Variants in CCNY observed in about 807,000 individuals in gnomAD.
CCNY encodes the protein cyclin-Y.
Under a neutral mutation model 42.8 loss-of-function variants are expected in CCNY, and 19 were observed. The observed-to-expected ratio is 0.44, with a 90% confidence interval of 0.31 to 0.65. The LOEUF (loss-of-function observed/expected upper bound fraction) is 0.65, where lower values mean the gene tolerates loss of function less well. Ranked by LOEUF, CCNY falls within the 30% of genes least tolerant of loss-of-function variation. The pLI, the probability that CCNY is intolerant of heterozygous loss-of-function variation, is 0.07. For synonymous variants in CCNY, 165 were observed against 162.7 expected (o/e 1.01, Z -0.11); for missense variants, 370 against 437.3 (o/e 0.85, Z 1.37).
intron 2 of CCNY, among the ~76,000 whole-genome samples, chr10:35,486,756 G>T (rs998967079): frequency 5.9e-5 from 9 of 152,110 alleles, no homozygotes; most frequent in African/African-American, 1.4e-4. Context: ...CTGTGCTTCC[G>T]CCATACATAC....
At chr10:35,288,556 T>A (rs888703749) in intron 3 of CCNY, among the ~76,000 whole-genome samples, 1 of 152,156 alleles carries the variant, frequency 6.6e-6, no homozygotes, top group African/African-American at 2.4e-5. Context: ...AAGAAATGTT[T>A]GCCTATCCCA....
At chr10:35,258,836 C>G (rs1415637528) in intron 3 of CCNY, among the ~76,000 whole-genome samples, 1 of 151,236 alleles carries the variant, frequency 6.6e-6, no homozygotes, top group Non-Finnish European at 1.5e-5. Context: ...CTTGGGGAGG[C>G]TGAGGCAGGA....
At chr10:35,544,394 A>G (rs181745121) in intron 7 of CCNY, among the ~76,000 whole-genome samples, 74 of 152,332 alleles carry the variant, frequency 4.9e-4, no homozygotes, top group African/African-American at 1.7e-3. Flanking sequence ...GTCATGTGCT[A>G]TACAGGTTTG....
At chr10:35,291,739 G>A (rs1835416437) in intron 3 of CCNY, among the ~76,000 whole-genome samples, 1 of 151,990 alleles carries the variant, frequency 6.6e-6, no homozygotes, top group African/African-American at 2.4e-5. Context: ...GTTTCATCAT[G>A]TTGGCCAGGC....
At chr10:35,568,968 A>T (rs975281318) in intron 9 of CCNY, 86 bp from the exon 10 acceptor site, 19 of 853,218 alleles carry the variant, frequency 2.2e-5, no homozygotes, top group East Asian at 7.3e-5. Flanking sequence ...CCTGTCCCTC[A>T]TGCAGCGCCC....
intron 3 of CCNY, among the ~76,000 whole-genome samples, chr10:35,515,401 C>T (rs999582569): frequency 1.3e-5 from 2 of 152,198 alleles, no homozygotes; most frequent in Non-Finnish European, 2.9e-5. Flanking sequence ...ATATATTTCT[C>T]AGACTGCCTC....
chr10:35,462,929 G>T (rs1564420734), intron 1 of CCNY, among the ~76,000 whole-genome samples: 1 of 152,226 alleles, frequency 6.6e-6, no homozygotes, highest in African/African-American at 2.4e-5. Flanking sequence ...TATCAGCTAC[G>T]TTAGGCCTTA....
intron 1 of CCNY, chr10:35,248,036 G>A (rs1030236435): frequency 6.6e-6 from 1 of 152,284 alleles, no homozygotes; most frequent in Non-Finnish European, 1.5e-5. Context: ...CAAACAGCAA[G>A]GCTGTTATTT....
chr10:35,465,938 A>AGAGAGAGAGAGAGAGAGGGTGT, intron 1 of CCNY, among the ~76,000 whole-genome samples: 1 of 80,960 alleles, frequency 1.2e-5, no homozygotes, highest in Admixed American at 1.3e-4. Context: ...AGAGAGAGAG[A>AGAGAGAGAGAGAGAGAGGGTGT]GTGTGTGTGT....
At chr10:35,450,420 G>A (rs921214485) in intron 1 of CCNY, among the ~76,000 whole-genome samples, 4 of 152,198 alleles carry the variant, frequency 2.6e-5, no homozygotes, top group African/African-American at 7.2e-5. Context: ...TGCTCCCTGG[G>A]ATGGTTTTGG....
intron 3 of CCNY, among the ~76,000 whole-genome samples, chr10:35,279,863 C>A (rs924452042): frequency 1.3e-5 from 2 of 152,210 alleles, no homozygotes; most frequent in African/African-American, 4.8e-5. Flanking sequence ...AGGTCTTTAG[C>A]TAAGAGCTGA....
chr10:35,468,617 T>A (rs1424257456), intron 1 of CCNY, among the ~76,000 whole-genome samples: 4 of 152,218 alleles, frequency 2.6e-5, no homozygotes, highest in Non-Finnish European at 5.9e-5. Flanking sequence ...GTTTCTTGAC[T>A]CTTGCTCAAG....
intron 1 of CCNY, among the ~76,000 whole-genome samples, chr10:35,465,963 G>GTGTGTGTC (rs768182302): frequency 4.0e-5 from 6 of 150,644 alleles, no homozygotes; most frequent in African/African-American, 1.5e-4. Flanking sequence ...GTGTGTGTCT[G>GTGTGTGTC]TGTGTGTGTG....
At chr10:35,328,840 C>A (rs1454642261) in intron 3 of CCNY, among the ~76,000 whole-genome samples, 2 of 152,162 alleles carry the variant, frequency 1.3e-5, no homozygotes, top group Non-Finnish European at 2.9e-5. Flanking sequence ...ACTGTTTCTG[C>A]AGATTTACCT....
At chr10:35,473,826 C>T (rs1489255828) in intron 1 of CCNY, among the ~76,000 whole-genome samples, 2 of 152,174 alleles carry the variant, frequency 1.3e-5, no homozygotes, top group African/African-American at 2.4e-5. Flanking sequence ...CTCCTGTCTA[C>T]AGCTCCCAGC....
rs571227399 is a variant in CCNY at position 35,331,092 on chromosome 10, C to T, written c.-9+80466C>T. 1.9e-4 allele frequency among the ~76,000 whole-genome samples: 29 copies of T among 152,290 alleles called. 1 individual carries two copies. The South Asian group carries it at 5.6e-3, about 29-fold the overall frequency. On this transcript the variant is annotated intron_variant, in intron 3 of 11. Transcript: ENST00000374706. ...CCTCTTTAGAGAGCTTTTCTGGAAG[C>T]GTCCACTCACATCTTATTGGCCAGA...
Position 35,336,992 on chromosome 10 carries a change from C to G in CCNY, c.-62C>G. ...CCGCCGCCCGCGCCCCGCGTCCACC[C>G]GCGCCCCGCTCCCGGGGACTGGGAG... On this transcript the variant is annotated 5_prime_UTR_variant, in exon 1 of 10. Coordinates refer to ENST00000374704, the MANE Select transcript of CCNY (RefSeq NM_145012.6). 4 of 1,295,152 alleles carry G rather than the reference C, an allele frequency of 3.1e-6. No individual in the cohort carries two copies. The highest frequency in any genetic ancestry group is 1.5e-5 in the African/African-American group (1 of 65,974). 80.2% of individuals were successfully genotyped at this position (1,295,152 alleles called of 1,614,324 possible). A position where few individuals can be genotyped will look rare whatever the true frequency, so the allele number is the denominator to read the frequency against.
chr10:35,304,162 G>T (rs1286586703), intron 3 of CCNY, among the ~76,000 whole-genome samples: 3 of 152,196 alleles, frequency 2.0e-5, no homozygotes, highest in Non-Finnish European at 4.4e-5. Flanking sequence ...CTCAGCATAG[G>T]TTTGCTCAGT....
chr10:35,482,891 T>G (rs1323515796), intron 1 of CCNY, among the ~76,000 whole-genome samples: 1 of 152,090 alleles, frequency 6.6e-6, no homozygotes, highest in Admixed American at 6.6e-5. Flanking sequence ...GGGCCCAGAT[T>G]AGGTCCACAA....
Sources: gnomAD v4.1 joint callset for allele counts (sites outside exome capture counted in the v4.1 genomes callset) on GRCh38, gnomAD v4.1.1 for gene constraint, MANE v1.5 for transcripts, NCBI Gene and HGNC (gene_info 2026-07-23, HGNC 2026-07-21) for gene names.